Variants in SHROOM3 observed in about 807,000 individuals in gnomAD.
SHROOM3 encodes shroom family member 3, also known as protein Shroom3.
A neutral mutation model predicts 138.6 loss-of-function variants in SHROOM3; 47 were observed. The ratio of observed to expected loss-of-function variants is 0.34; its 90% CI spans 0.27 to 0.43. The LOEUF is 0.43. SHROOM3 is among the 20% of genes least tolerant of loss of function. SHROOM3 has a pLI of 1.00. For missense variants in SHROOM3, 2,491 were observed against 2,596.5 expected (o/e 0.96, Z 0.88); for synonymous variants, 1,062 against 1,063.3 (o/e 1.00, Z 0.02).
At chr4:76,722,569 C>G (rs1720583531) in intron 3 of SHROOM3, among the ~76,000 whole-genome samples, 1 of 151,886 alleles carries the variant, frequency 6.6e-6, no homozygotes, top group South Asian at 2.1e-4. Flanking sequence ...GGCTTAGTGC[C>G]TGGGTGATGG....
chr4:76,503,455 G>A (rs1579198646), intron 1 of SHROOM3, among the ~76,000 whole-genome samples: 1 of 151,904 alleles, frequency 6.6e-6, no homozygotes. Flanking sequence ...TTGAGACAGG[G>A]TCTTACTTTG....
Position 76,478,575 on chromosome 4 carries a change from C to T in SHROOM3, c.168+42355C>T, listed in dbSNP as rs978708682. 1.1e-4 allele frequency among the ~76,000 whole-genome samples: 17 copies of T among 152,258 alleles called. 1 individual carries two copies. The highest frequency in any genetic ancestry group is 1.0e-3 in the Admixed American group (16 of 15,292). On this transcript the variant is annotated intron_variant, in intron 1 of 10. Transcript: ENST00000296043. ...GCTTCAGCAAGCTTAAACATTCCTG[C>T]TTGCCAGCTCTGAAGAGAGCAGCAG...
At chr4:76,634,852 A>T (rs1223901125) in intron 2 of SHROOM3, among the ~76,000 whole-genome samples, 1 of 152,234 alleles carries the variant, frequency 6.6e-6, no homozygotes, top group African/African-American at 2.4e-5. Flanking sequence ...CTGTTAGCAC[A>T]TACACACACT....
At chr4:76,456,507 T>C (rs1197983829) in intron 1 of SHROOM3, among the ~76,000 whole-genome samples, 1 of 152,228 alleles carries the variant, frequency 6.6e-6, no homozygotes, top group East Asian at 1.9e-4. Flanking sequence ...GCAGGACTGA[T>C]GCACATGACG....
intron 2 of SHROOM3, among the ~76,000 whole-genome samples, chr4:76,676,767 C>A (rs1429201229): frequency 2.0e-5 from 3 of 152,040 alleles, no homozygotes; most frequent in Middle Eastern, 3.4e-3. Flanking sequence ...CACAGTGAAA[C>A]CCTGTCTCTA....
intron 1 of SHROOM3, among the ~76,000 whole-genome samples, chr4:76,551,950 C>G (rs1733365397): frequency 6.6e-6 from 1 of 150,686 alleles, no homozygotes; most frequent in Admixed American, 6.6e-5. Context: ...CAAGCTCTGC[C>G]TCCTGGGTTC....
At chr4:76,775,677 A>ATG (rs373446401) in intron 10 of SHROOM3, among the ~76,000 whole-genome samples, 6 of 148,750 alleles carry the variant, frequency 4.0e-5, no homozygotes, top group East Asian at 4.1e-4. Flanking sequence ...AATAAAGAAA[A>ATG]TGTGTGTGTG....
intron 6 of SHROOM3, among the ~76,000 whole-genome samples, chr4:76,749,425 A>G (rs1721552195): frequency 6.6e-6 from 1 of 152,218 alleles, no homozygotes; most frequent in South Asian, 2.1e-4. Context: ...TAGGTTTTGA[A>G]CATGTGCTAC....
chr4:76,552,361 G>A (rs1364574794), intron 1 of SHROOM3, among the ~76,000 whole-genome samples: 1 of 150,676 alleles, frequency 6.6e-6, no homozygotes, highest in Non-Finnish European at 1.5e-5. Context: ...ACAAAAATTA[G>A]CCAGACCTGT....
At chr4:76,472,567 G>T (rs1042832436) in intron 1 of SHROOM3, among the ~76,000 whole-genome samples, 1 of 152,052 alleles carries the variant, frequency 6.6e-6, no homozygotes, top group Admixed American at 6.6e-5. Context: ...TATATTATAT[G>T]TACTTTTTGG....
At chr4:76,480,760 G>A (rs1045693135) in intron 1 of SHROOM3, among the ~76,000 whole-genome samples, 3 of 152,102 alleles carry the variant, frequency 2.0e-5, no homozygotes, top group African/African-American at 7.2e-5. Context: ...AAATGCAAAA[G>A]AACGGAAATC....
chr4:76,447,649 T>TTTTTATA (rs1360269281), intron 1 of SHROOM3, among the ~76,000 whole-genome samples: 1 of 152,232 alleles, frequency 6.6e-6, no homozygotes, highest in Non-Finnish European at 1.5e-5. Context: ...ATTTTTTATA[T>TTTTTATA]TTTTACTTTT....
intron 1 of SHROOM3, among the ~76,000 whole-genome samples, chr4:76,466,243 T>C (rs1055641910): frequency 3.9e-5 from 6 of 152,226 alleles, no homozygotes; most frequent in Non-Finnish European, 7.3e-5. Context: ...GGTCAGACTC[T>C]TGTCTGACCT....
chr4:76,618,900 G>A (rs917430646), intron 2 of SHROOM3, among the ~76,000 whole-genome samples: 1 of 152,058 alleles, frequency 6.6e-6, no homozygotes, highest in South Asian at 2.1e-4. Context: ...TTCTTGAGAC[G>A]AAGTCTCACT....
At chr4:76,464,464 A>C (rs574679421) in intron 1 of SHROOM3, among the ~76,000 whole-genome samples, 2 of 151,910 alleles carry the variant, frequency 1.3e-5, no homozygotes, top group African/African-American at 4.8e-5. Flanking sequence ...GTCTCAGATG[A>C]GACTTTGGAC....
chr4:76,469,028 C>A (rs1731308925), intron 1 of SHROOM3, among the ~76,000 whole-genome samples: 1 of 145,458 alleles, frequency 6.9e-6, no homozygotes, highest in South Asian at 2.2e-4. Flanking sequence ...AGCGAGATTC[C>A]ATCTCCAAAA....
chr4:76,737,016 C>T (rs2110132172), intron 4 of SHROOM3, among the ~76,000 whole-genome samples: 1 of 152,222 alleles, frequency 6.6e-6, no homozygotes, highest in South Asian at 2.1e-4. Context: ...GACATGTATC[C>T]ATCATTATAG....
chr4:76,762,559 C>G (rs899265595), intron 9 of SHROOM3, among the ~76,000 whole-genome samples: 1 of 152,216 alleles, frequency 6.6e-6, no homozygotes, highest in Admixed American at 6.5e-5. Context: ...GTTAATGAGG[C>G]CTCCACATCC....
At chr4:76,585,604 C>T (rs1734136996) in intron 2 of SHROOM3, among the ~76,000 whole-genome samples, 1 of 152,178 alleles carries the variant, frequency 6.6e-6, no homozygotes, top group Admixed American at 6.5e-5. Flanking sequence ...GTTATGATTT[C>T]ATCTACAAAG....
Sources: gnomAD v4.1 joint callset for allele counts (sites outside exome capture counted in the v4.1 genomes callset) on GRCh38, gnomAD v4.1.1 for gene constraint, MANE v1.5 for transcripts, NCBI Gene and HGNC (gene_info 2026-07-23, HGNC 2026-07-21) for gene names.